Variants in SPTBN4 observed in about 807,000 individuals in gnomAD.
The protein encoded by SPTBN4 is spectrin beta, non-erythrocytic 4, also known as spectrin beta chain, non-erythrocytic 4.
A neutral mutation model predicts 277.8 loss-of-function variants in SPTBN4; 96 were observed. That is an observed-to-expected ratio of 0.35 (90% CI 0.29 to 0.41). SPTBN4 has a LOEUF of 0.41. Ranked by LOEUF, SPTBN4 falls within the 10% of genes least tolerant of loss-of-function variation. The pLI, the probability that SPTBN4 is intolerant of heterozygous loss-of-function variation, is 1.00. For synonymous variants in SPTBN4, 1,481 were observed against 1,580.3 expected (o/e 0.94, Z 1.49); for missense variants, 3,006 against 3,595.7 (o/e 0.84, Z 4.19).
intron 32 of SPTBN4, among the ~76,000 whole-genome samples, chr19:40,569,989 G>GACACACACACACAC (rs59218483): frequency 9.3e-6 from 1 of 107,160 alleles, no homozygotes; most frequent in African/African-American, 3.6e-5. Context: ...CACACACACA[G>GACACACACACACAC]ACACACACAC....
intron 12 of SPTBN4, 144 bp from the exon 13 acceptor site, chr19:40,506,092 T>G: frequency 4.5e-6 from 5 of 1,106,422 alleles, no homozygotes; most frequent in Admixed American, 5.0e-5. Flanking sequence ...GGTAAGAGAG[T>G]CTTGAGGCTG....
At chr19:40,535,173 A>T (rs2080721042) in intron 20 of SPTBN4, among the ~76,000 whole-genome samples, 1 of 152,120 alleles carries the variant, frequency 6.6e-6, no homozygotes, top group Non-Finnish European at 1.5e-5. Flanking sequence ...CTCCCACTTC[A>T]GCCTTCCAAG....
intron 7 of SPTBN4, among the ~76,000 whole-genome samples, chr19:40,498,699 C>T (rs945749489): frequency 8.1e-5 from 12 of 147,914 alleles, no homozygotes; most frequent in African/African-American, 2.2e-4. Context: ...CCACCATGCC[C>T]GGCCTATTTA....
chr19:40,520,118 T>A lies in SPTBN4; in HGVS notation c.3621T>A (p.Asp1207Glu). ...ACATCTACCAGCTCTTCCTGCGGGATCTACGCCAGGCGCTCGTGGTGCTGC... is the reference window on the plus strand; with the variant it reads ...ACATCTACCAGCTCTTCCTGCGGGAACTACGCCAGGCGCTCGTGGTGCTGC... ...QAHIYQLFLRDLRQALVVLRN... is the reference protein window; with the variant it reads ...QAHIYQLFLRELRQALVVLRN... The change falls in exon 16 of 36, where the codon GAT becomes GAA. Residue 1207 changes from aspartate to glutamate, a missense_variant. By Grantham distance (45) the Asp-to-Glu change is conservative. Coordinates refer to ENST00000598249, the MANE Select transcript of SPTBN4 (RefSeq NM_020971.3). The A allele has an allele frequency of 6.8e-7, 1 of 1,463,642 alleles. No homozygotes were observed. Among genetic ancestry groups the A allele is most frequent in the Non-Finnish European group, 9.0e-7 (1 of 1,109,108 alleles). The allele number at this position is 1,463,642 out of a possible 1,614,324, so 90.7% of individuals were successfully genotyped here. A position where few individuals can be genotyped will look rare whatever the true frequency, so the allele number is the denominator to read the frequency against.
chr19:40,469,979 A>AT (rs1272977487), intron 1 of SPTBN4, among the ~76,000 whole-genome samples: 1 of 146,340 alleles, frequency 6.8e-6, no homozygotes, highest in Admixed American at 7.0e-5. Context: ...TTTGTTTTCT[A>AT]TTTTTTTATT....
intron 2 of SPTBN4, among the ~76,000 whole-genome samples, chr19:40,476,733 G>A (rs1463265068): frequency 6.6e-6 from 1 of 151,890 alleles, no homozygotes; most frequent in Non-Finnish European, 1.5e-5. Flanking sequence ...GACTACAGGC[G>A]CCTGCCACCA....
intron 12 of SPTBN4, among the ~76,000 whole-genome samples, chr19:40,505,643 C>G (rs814523): frequency 0.17 from 25,897 of 150,052 alleles, 2,707 homozygotes; most frequent in African/African-American, 0.29. Context: ...GCACTCCAGC[C>G]TGGGTGACAG....
chr19:40,538,997 G>A (rs965886903), intron 20 of SPTBN4, among the ~76,000 whole-genome samples: 4 of 152,222 alleles, frequency 2.6e-5, no homozygotes, highest in Non-Finnish European at 5.9e-5. Flanking sequence ...GGACAGGAGG[G>A]CTGGTCCATG....
rs1479986490 is a variant in SPTBN4 at position 40,512,820 on chromosome 19, C to T, written c.2031C>T (p.Gly677=). The T allele has an allele frequency of 2.1e-6, 3 of 1,443,154 alleles. No homozygotes were observed. The East Asian group carries it at 8.5e-5, about 41-fold the overall frequency. 89.4% of individuals were successfully genotyped at this position (1,443,154 alleles called of 1,614,324 possible). The change falls in exon 14 of 36, where the codon GGC becomes GGT. Residue 677 remains glycine, a synonymous_variant. Coordinates refer to ENST00000598249, the MANE Select transcript of SPTBN4 (RefSeq NM_020971.3). ...LEAAGGGGAA[G]AAGAAGTAGG... ...CTGCGGGCGGCGGCGGTGCGGCGGG[C>T]GCAGCGGGCGCAGCGGGAACAGCGG...
At chr19:40,569,447 T>G (rs2081128502) in intron 31 of SPTBN4, among the ~76,000 whole-genome samples, 2 of 144,490 alleles carry the variant, frequency 1.4e-5, no homozygotes, top group Admixed American at 6.8e-5. Flanking sequence ...AAAAAAAAAT[T>G]CAAAGGGGCG....
chr19:40,483,006 G>A (rs756997633), intron 2 of SPTBN4, among the ~76,000 whole-genome samples: 2 of 151,376 alleles, frequency 1.3e-5, no homozygotes, highest in Admixed American at 6.6e-5. Flanking sequence ...AAATATATAT[G>A]TATACACACA....
intron 18 of SPTBN4, chr19:40,530,676 G>A: frequency 1.4e-6 from 1 of 699,282 alleles, no homozygotes. Context: ...CCCGCCCGTC[G>A]TGGCCGCGGG....
Position 40,504,152 on chromosome 19 carries a change from G to GGCCCCCC in SPTBN4, c.1665+20_1665+21insGCCCCCC. 1.1e-6 allele frequency: 1 copy of GGCCCCCC among 877,204 alleles called. No individual in the cohort carries two copies. The highest frequency in any genetic ancestry group is 2.2e-5 in the African/African-American group (1 of 46,066). 54.3% of individuals were successfully genotyped at this position (877,204 alleles called of 1,614,324 possible). A position where few individuals can be genotyped will look rare whatever the true frequency, so the allele number is the denominator to read the frequency against. Reference sequence around the variant, plus strand: ...ATGCAGGTGCCGGCGGGGGGGCGGGGATGCGGGTGGAGTGCCAGGAGGGAG... The same window carrying GGCCCCCC: ...ATGCAGGTGCCGGCGGGGGGGCGGGGGCCCCCCATGCGGGTGGAGTGCCAGGAGGGAG... On this transcript the variant is annotated intron_variant, in intron 12 of 35. Transcript: ENST00000598249.
At chr19:40,562,888 G>A (rs997484832) in intron 27 of SPTBN4, among the ~76,000 whole-genome samples, 3 of 151,768 alleles carry the variant, frequency 2.0e-5, no homozygotes, top group African/African-American at 7.3e-5. Flanking sequence ...CATGTGTATC[G>A]TGAACACTTG....
intron 21 of SPTBN4, 75 bp from the exon 22 acceptor site, chr19:40,550,162 AG>A (rs1293023521): frequency 8.2e-7 from 1 of 1,226,572 alleles, no homozygotes; most frequent in African/African-American, 1.5e-5. Context: ...GATGCCGTGC[AG>A]GTTTAAAGTT....
At chr19:40,477,189 A>G (rs1334175045) in intron 2 of SPTBN4, among the ~76,000 whole-genome samples, 1 of 151,894 alleles carries the variant, frequency 6.6e-6, no homozygotes, top group Non-Finnish European at 1.5e-5. Context: ...ACAGGCATGC[A>G]CCATCATGCC....
chr19:40,535,402 C>A (rs2080723999), intron 20 of SPTBN4, among the ~76,000 whole-genome samples: 1 of 152,040 alleles, frequency 6.6e-6, no homozygotes, highest in Non-Finnish European at 1.5e-5. Flanking sequence ...GCCTGACTGA[C>A]TGATGGGAAA....
intron 12 of SPTBN4, among the ~76,000 whole-genome samples, chr19:40,505,344 C>T (rs1481691598): frequency 1.5e-5 from 2 of 131,766 alleles, no homozygotes; most frequent in Non-Finnish European, 3.1e-5. Context: ...GATTGCACCA[C>T]TACACTTCAA....
chr19:40,524,574 C>T, intron 17 of SPTBN4: 1 of 456,406 alleles, frequency 2.2e-6, no homozygotes, highest in African/African-American at 2.0e-5. Context: ...CTCTTCTGCA[C>T]CCTCCTTGGG....
Sources: gnomAD v4.1 joint callset for allele counts (sites outside exome capture counted in the v4.1 genomes callset) on GRCh38, gnomAD v4.1.1 for gene constraint, MANE v1.5 for transcripts, NCBI Gene and HGNC (gene_info 2026-07-23, HGNC 2026-07-21) for gene names.